The following USP43 variants were observed in gnomAD, a reference collection of about 807,000 sequenced individuals.
USP43 encodes the protein ubiquitin specific peptidase 43, also known as ubiquitin carboxyl-terminal hydrolase 43.
In USP43, 33 loss-of-function variants were observed where a neutral mutation model predicts 90.7. The observed-to-expected ratio is 0.36, with a 90% CI of 0.28 to 0.49. USP43 has a LOEUF of 0.49. Ranked by LOEUF, USP43 falls within the 20% of genes least tolerant of loss-of-function variation. The pLI is 0.98. For synonymous variants in USP43, 598 were observed against 615.8 expected (o/e 0.97, Z 0.43); for missense variants, 1,274 against 1,476.4 (o/e 0.86, Z 2.25).
At chr17:9,673,611 A>C (rs1283461764) in intron 3 of USP43, among the ~76,000 whole-genome samples, 8 of 152,244 alleles carry the variant, frequency 5.3e-5, no homozygotes, top group African/African-American at 1.7e-4. Flanking sequence ...TGAACATTAT[A>C]TATATCTACT....
chr17:9,686,778 C>A lies in USP43; in HGVS notation c.1242-20C>A. On this transcript the variant is annotated intron_variant, in intron 7 of 14. Transcript: ENST00000285199. The surrounding 1 kb of genome is among the most constrained non-coding windows in gnomAD (Gnocchi z 5.5). ...TGGTTTTTCCTTTGCTGGGATAACC[C>A]GATTTCCTTGGATTTTCAGGTTTGG... is the stretch of plus-strand genomic sequence containing the variant. The A allele has an allele frequency of 6.2e-7, 1 of 1,610,492 alleles. No individual in the cohort carries two copies.
intron 1 of USP43, among the ~76,000 whole-genome samples, chr17:9,650,603 A>T (rs1192007145): frequency 1.3e-5 from 2 of 152,178 alleles, no homozygotes; most frequent in Non-Finnish European, 2.9e-5. Flanking sequence ...GGGTTTCGCC[A>T]TGTTGGCCAT....
intron 12 of USP43, among the ~76,000 whole-genome samples, chr17:9,703,993 C>A (rs768419457): frequency 6.6e-6 from 1 of 152,150 alleles, no homozygotes; most frequent in Non-Finnish European, 1.5e-5. Flanking sequence ...TATTTCCACA[C>A]CTGATTGATA....
At chr17:9,698,177 A>G (rs888735724) in intron 9 of USP43, among the ~76,000 whole-genome samples, 1 of 152,040 alleles carries the variant, frequency 6.6e-6, no homozygotes, top group East Asian at 1.9e-4. Context: ...ACTTTTTAAT[A>G]GGATTATTTG....
chr17:9,679,384 G>A (rs1346080692), intron 5 of USP43, among the ~76,000 whole-genome samples: 3 of 151,472 alleles, frequency 2.0e-5, no homozygotes, highest in African/African-American at 2.4e-5. Flanking sequence ...TAAAAAAATT[G>A]TGTAGAGATG....
intron 14 of USP43, among the ~76,000 whole-genome samples, chr17:9,721,753 C>T (rs181983930): frequency 3.4e-4 from 44 of 129,076 alleles, no homozygotes; most frequent in South Asian, 2.5e-3. Context: ...GACCGAGTTT[C>T]GCTCTTGTTG....
At chr17:9,719,946 G>A (rs552937604) in intron 14 of USP43, among the ~76,000 whole-genome samples, 59 of 152,066 alleles carry the variant, frequency 3.9e-4, no homozygotes, top group African/African-American at 1.4e-3. Context: ...ACATGACTGC[G>A]ATCCCAGCTA....
chr17:9,711,271 T>G (rs889970114), intron 13 of USP43, among the ~76,000 whole-genome samples: 25 of 152,212 alleles, frequency 1.6e-4, no homozygotes, highest in African/African-American at 6.0e-4. Flanking sequence ...AATAAAATAC[T>G]GTTACTCTGC....
At chr17:9,705,593 A>G (rs908888652) in intron 12 of USP43, among the ~76,000 whole-genome samples, 1 of 152,022 alleles carries the variant, frequency 6.6e-6, no homozygotes, top group Non-Finnish European at 1.5e-5. Flanking sequence ...TGTCTCTACT[A>G]AAAATACAAA....
intron 14 of USP43, among the ~76,000 whole-genome samples, chr17:9,718,631 A>G (rs1916746460): frequency 6.6e-6 from 1 of 151,982 alleles, no homozygotes; most frequent in Non-Finnish European, 1.5e-5. Context: ...ATCTGAGGTC[A>G]GGAGTTTGAG....
At chr17:9,646,273 GTT>G in intron 1 of USP43, 137 bp downstream of exon 1, 3 of 1,175,192 alleles carry the variant, frequency 2.6e-6, no homozygotes, top group Non-Finnish European at 3.3e-6. Flanking sequence ...TACCGGCTTT[GTT>G]TTGAGTCGAT....
intron 14 of USP43, among the ~76,000 whole-genome samples, chr17:9,715,355 A>G (rs185730881): frequency 3.7e-4 from 56 of 152,276 alleles, no homozygotes; most frequent in Non-Finnish European, 2.9e-5. Flanking sequence ...CAAAAGGCTG[A>G]GGTGGGAGGA....
chr17:9,646,040 G>T lies in USP43; in HGVS notation c.408G>T (p.Ala136=), dbSNP rs1911369418. The change falls in exon 1 of 15, where the codon GCG becomes GCT. Residue 136 remains alanine, a synonymous_variant. Transcript: ENST00000285199. Reference sequence around the variant, plus strand: ...TCCTGGCGCTGGGGCGCTACCGGGCGGCTCCGGGCCGCGCCGAGGTCACCG... The same window carrying T: ...TCCTGGCGCTGGGGCGCTACCGGGCTGCTCCGGGCCGCGCCGAGGTCACCG... The part of the protein sequence containing the change: ...AEFLALGRYR[A]APGRAEVTEQ... 1 of 1,494,202 alleles carries T rather than the reference G, an allele frequency of 6.7e-7. No homozygotes were observed. The highest frequency in any genetic ancestry group is 1.7e-4 in the Middle Eastern group (1 of 5,740). The allele number at this position is 1,494,202 out of a possible 1,614,324, so 92.6% of individuals were successfully genotyped here.
chr17:9,706,859 G>A (rs1179194819), intron 12 of USP43, among the ~76,000 whole-genome samples: 3 of 151,818 alleles, frequency 2.0e-5, no homozygotes, highest in Admixed American at 6.6e-5. Flanking sequence ...TAGCCAGGCT[G>A]GTCTTGAACT....
intron 14 of USP43, among the ~76,000 whole-genome samples, chr17:9,723,940 C>T (rs920336173): frequency 2.0e-5 from 3 of 152,162 alleles, no homozygotes; most frequent in East Asian, 1.9e-4. Flanking sequence ...TGGTCAGTCA[C>T]GTTTTTCAGT....
Position 9,728,621 on chromosome 17 carries a change from C to G in USP43, c.3003C>G (p.Ser1001=). The change falls in exon 15 of 15, where the codon TCC becomes TCG. Residue 1001 remains serine, a synonymous_variant. Coordinates refer to ENST00000285199, the MANE Select transcript of USP43 (RefSeq NM_153210.5). This position sits in a 1 kb window ranked among gnomAD's most constrained non-coding sequence, Gnocchi z 6.2. ...AGGGGACACTCACCCTTCTGAGGTC[C>G]GTGTTTCGGAAGAAGGAGAACAGGA... ...PLQGTLTLLR[S]VFRKKENRRN... The G allele has an allele frequency of 6.2e-7, 1 of 1,613,690 alleles. No individual in the cohort carries two copies. Among genetic ancestry groups the G allele is most frequent in the East Asian group, 2.2e-5 (1 of 44,858 alleles).
In USP43 at chr17:9,728,980, C is replaced by G. The variant is rs760811657; in HGVS notation, c.3362C>G (p.Ser1121Cys). 4.5e-6 allele frequency: 7 copies of G among 1,568,746 alleles called. No individual in the cohort carries two copies. Among genetic ancestry groups the G allele is most frequent in the Middle Eastern group, 1.7e-4 (1 of 5,830 alleles). ...SLGRKKTLPE[S>C]SF The stretch of plus-strand genomic sequence containing the variant: ...GGTCGAAAGAAAACCTTACCGGAGT[C>G]CAGCTTTTGATGGAGCGTGTCAGTA... Residue 1121 changes from serine (S) to cysteine (C), a missense_variant, in exon 15 of 15, where the codon TCC (serine) becomes TGC (cysteine). This residue lies in a region of USP43 where 353 missense variants were observed against 329.7 expected (regional missense o/e 1.07). Transcript: ENST00000285199. The surrounding 1 kb of genome is among the most constrained non-coding windows in gnomAD (Gnocchi z 6.2).
chr17:9,688,017 A>G (rs1914690378), intron 8 of USP43, among the ~76,000 whole-genome samples: 2 of 151,900 alleles, frequency 1.3e-5, no homozygotes, highest in Admixed American at 6.6e-5. Context: ...ACGGAGTCTC[A>G]CTCTGTCGCC....
intron 4 of USP43, among the ~76,000 whole-genome samples, chr17:9,676,428 G>A (rs945228188): frequency 2.0e-5 from 3 of 152,108 alleles, no homozygotes; most frequent in African/African-American, 7.2e-5. Context: ...GGAGTGCAGT[G>A]GTGCCATCTC....
Sources: allele counts gnomAD v4.1 joint callset (sites outside exome capture counted in the v4.1 genomes callset), GRCh38; gene constraint gnomAD v4.1.1; regional missense constraint gnomAD v4.1.1; non-coding constraint Gnocchi (gnomAD v3.1); transcripts MANE v1.5; gene names NCBI Gene and HGNC (gene_info 2026-07-23, HGNC 2026-07-21).